Variants in TEDC2 observed in about 807,000 individuals in gnomAD.
TEDC2 encodes tubulin epsilon and delta complex 2.
Under a neutral mutation model 48.1 loss-of-function variants are expected in TEDC2, and 49 were observed. The ratio of observed to expected loss-of-function variants is 1.02; its 90% CI spans 0.81 to 1.29. The LOEUF is 1.29. TEDC2 is among the 50% of genes most tolerant of loss of function. The probability of loss-of-function intolerance (pLI) is 0.00; values close to 1 mark genes in which losing one functional copy is unlikely to be tolerated. For missense variants in TEDC2, 631 were observed against 571.4 expected (o/e 1.10, Z -1.06); for synonymous variants, 299 against 247.1 (o/e 1.21, Z -1.97).
At chr16:2,460,585 G>C (rs1426921274) in intron 2 of TEDC2, 38 bp from the exon 3 acceptor site, 8 of 1,610,964 alleles carry the variant, frequency 5.0e-6, no homozygotes, top group Non-Finnish European at 6.8e-6. Context: ...GCTGGGCCCT[G>C]CCTCCTGGCC....
At chr16:2,460,259 C>T in intron 1 of TEDC2, 24 bp from the exon 2 acceptor site, 1 of 1,515,110 alleles carries the variant, frequency 6.6e-7, no homozygotes, top group East Asian at 2.7e-5. Context: ...GGCCGAGGTG[C>T]TGAGCCGCCG....
chr16:2,463,211 C>T (rs1358504875), intron 8 of TEDC2, among the ~76,000 whole-genome samples: 1 of 152,130 alleles, frequency 6.6e-6, no homozygotes, highest in Non-Finnish European at 1.5e-5. Flanking sequence ...GTCCCAGCTA[C>T]TTGGGAGGCT....
Position 2,461,130 on chromosome 16 carries a change from C to G in TEDC2, c.511C>G (p.Arg171Gly). The change falls in exon 4 of 10, where the codon CGA (arginine) becomes GGA (glycine). Residue 171 changes from arginine to glycine, a missense_variant. Physicochemically the swap from Arg to Gly is moderately radical, Grantham distance 125. Transcript: ENST00000361837. ...GDGTRVGMGA[R>G]TPRPGAGLRD... ...TGGGACCCGTGTTGGGATGGGAGCC[C>G]GAACCCCCAGGCCTGGGGCGGGCCT... 6.4e-7 allele frequency: 1 copy of G among 1,563,306 alleles called. No homozygotes were observed. Among genetic ancestry groups the G allele is most frequent in the Non-Finnish European group, 8.7e-7 (1 of 1,152,710 alleles).
chr16:2,461,698 A>G, intron 4 of TEDC2, 49 bp from the exon 5 acceptor site: 1 of 1,608,438 alleles, frequency 6.2e-7, no homozygotes, highest in Non-Finnish European at 8.5e-7. Flanking sequence ...TGGGACTTGT[A>G]GACCCCAGAG....
intron 2 of TEDC2, 86 bp downstream of exon 2, chr16:2,460,467 C>G: frequency 6.7e-7 from 1 of 1,503,580 alleles, no homozygotes; most frequent in Non-Finnish European, 9.0e-7. Flanking sequence ...AGACCGGGCG[C>G]AGCCGCCCAC....
intron 8 of TEDC2, among the ~76,000 whole-genome samples, chr16:2,463,627 CAAAA>C (rs56380126): frequency 1.9e-5 from 2 of 103,234 alleles, no homozygotes; most frequent in Non-Finnish European, 2.2e-5. Context: ...ACTCCGTCTC[CAAAA>C]AAAAAAAAAA....
intron 8 of TEDC2, among the ~76,000 whole-genome samples, chr16:2,463,156 C>T (rs1021044112): frequency 1.3e-5 from 2 of 151,078 alleles, no homozygotes; most frequent in African/African-American, 4.9e-5. Flanking sequence ...CCTGTCTCTA[C>T]TAAAAATATA....
intron 9 of TEDC2, 114 bp downstream of exon 9, chr16:2,464,343 G>C (rs2065486904): frequency 7.1e-7 from 1 of 1,406,800 alleles, no homozygotes; most frequent in Non-Finnish European, 9.6e-7. Flanking sequence ...GGCAAGCCTG[G>C]GGTCTGTGTG....
At position 2,460,348 on chromosome 16, in the gene TEDC2, G is replaced by A. The variant is rs1294302469; in HGVS notation, c.92G>A (p.Ser31Asn). 9.1e-6 allele frequency: 14 copies of A among 1,544,220 alleles called. No homozygotes were observed. Among genetic ancestry groups the A allele is most frequent in the Non-Finnish European group, 9.6e-6 (11 of 1,146,208 alleles). ...CAQRQLQLEQ[S>N]LRVCRRLLHA... ...CAGCGACAATTGCAATTGGAGCAGA[G>A]CCTGCGCGTTTGCCGTCGGCTGCTG... The change falls in exon 2 of 10, where the codon AGC becomes AAC. Residue 31 changes from serine (S) to asparagine (N), a missense_variant. Transcript: ENST00000361837.
At position 2,464,542 on chromosome 16, in the gene TEDC2, C is replaced by G. The variant is rs560387871; in HGVS notation, c.1176C>G (p.Leu392=). The change falls in exon 10 of 10, where the codon CTC becomes CTG. Residue 392 remains leucine (L), a synonymous_variant. Transcript: ENST00000361837. ...HLEKVLMAEL[L]PLVSAAQPQG... ...CCCAGGTCCTGATGGCTGAACTCCTCCCCCTGGTAAGCGCTGCACAGCCGC... is the reference window on the plus strand; with the variant it reads ...CCCAGGTCCTGATGGCTGAACTCCTGCCCCTGGTAAGCGCTGCACAGCCGC... 107 of 1,582,408 alleles carry G rather than the reference C, an allele frequency of 6.8e-5. 2 individuals carry two copies. In the South Asian group the frequency reaches 1.1e-3, roughly 17 times the overall value.
At chr16:2,462,069 A>G (rs1596939477) in intron 5 of TEDC2, 80 bp from the exon 6 acceptor site, 6 of 1,493,702 alleles carry the variant, frequency 4.0e-6, no homozygotes. Context: ...GCCCTTGCCT[A>G]CCTCCCAAGG....
chr16:2,461,360 C>G, intron 4 of TEDC2, 136 bp downstream of exon 4: 7 of 1,168,520 alleles, frequency 6.0e-6, no homozygotes, highest in Non-Finnish European at 6.9e-6. Context: ...GGCTCATGCT[C>G]AGAAGCTGGC....
intron 8 of TEDC2, among the ~76,000 whole-genome samples, chr16:2,463,582 G>A (rs1348345081): frequency 2.0e-5 from 3 of 150,796 alleles, no homozygotes; most frequent in Non-Finnish European, 4.4e-5. Flanking sequence ...AGCTGAGATT[G>A]CACCACTGCA....
At chr16:2,462,333 G>T in intron 6 of TEDC2, 82 bp from the exon 7 acceptor site, 1 of 1,601,834 alleles carries the variant, frequency 6.2e-7, no homozygotes, top group South Asian at 1.1e-5. Context: ...GCGTGGGATG[G>T]CCAGGGCCAC....
intron 8 of TEDC2, among the ~76,000 whole-genome samples, chr16:2,463,339 G>A (rs987016217): frequency 2.2e-4 from 32 of 142,554 alleles, no homozygotes; most frequent in African/African-American, 6.9e-4. Flanking sequence ...AAAAAGTAGC[G>A]TGTGAGGCCG....
rs1388006360 is a variant in TEDC2 at position 2,464,571 on chromosome 16, G to A, written c.1205G>A (p.Gly402Glu). Residue 402 changes from glycine (G) to glutamate (E), a missense_variant, in exon 10 of 10, where the codon GGG becomes GAG. Physicochemically the swap from Gly to Glu is moderately conservative, Grantham distance 98. Coordinates refer to ENST00000361837, the MANE Select transcript of TEDC2 (RefSeq NM_025108.3). Reference protein sequence around the residue: ...LPLVSAAQPQGPPWLALCRAV... With the variant: ...LPLVSAAQPQEPPWLALCRAV... ...CTGGTAAGCGCTGCACAGCCGCAGG[G>A]GCCGCCCTGGCTGGCCCTGTGCCGG... 2 of 1,606,602 alleles carry A rather than the reference G, an allele frequency of 1.2e-6. No homozygotes were observed. The highest frequency in any genetic ancestry group is 1.3e-5 in the African/African-American group (1 of 74,904).
At position 2,460,836 on chromosome 16, in the gene TEDC2, G is replaced by A. The variant is rs747954383; in HGVS notation, c.217G>A (p.Asp73Asn). The change falls in exon 4 of 10, where the codon GAC becomes AAC. Residue 73 changes from aspartate to asparagine, a missense_variant. Asp to Asn is a conservative substitution (Grantham distance 23, BLOSUM62 1). Coordinates refer to ENST00000361837, the MANE Select transcript of TEDC2 (RefSeq NM_025108.3). Reference protein sequence around the residue: ...PLPACTPSPQDLKELEFLTQA... With the variant: ...PLPACTPSPQNLKELEFLTQA... The stretch of plus-strand genomic sequence containing the variant: ...CACAGCATGCACACCCAGTCCACAA[G>A]ACCTCAAAGAGTTGGAGTTTCTGAC... 6 of 1,612,784 alleles carry A rather than the reference G, an allele frequency of 3.7e-6. No individual in the cohort carries two copies. Among genetic ancestry groups the A allele is most frequent in the Non-Finnish European group, 4.2e-6 (5 of 1,179,748 alleles).
intron 2 of TEDC2, 23 bp from the exon 3 acceptor site, chr16:2,460,600 G>C: frequency 6.2e-7 from 1 of 1,612,198 alleles, no homozygotes; most frequent in Non-Finnish European, 8.5e-7. Flanking sequence ...CTGGCCGTGC[G>C]ACGGCTGCCC....
Position 2,460,115 on chromosome 16 carries a change from G to T in TEDC2, c.-30G>T. On this transcript the variant is annotated 5_prime_UTR_variant, in exon 1 of 10. Coordinates refer to ENST00000361837, the MANE Select transcript of TEDC2 (RefSeq NM_025108.3). ...GGAAGGGGCGTGGCTCTTCAGAGGC[G>T]GCAAATTGCAAGGAGACGCCGCCGC... 1.5e-6 allele frequency: 2 copies of T among 1,347,966 alleles called. No individual in the cohort carries two copies. Among genetic ancestry groups the T allele is most frequent in the African/African-American group, 1.5e-5 (1 of 65,114 alleles). The allele number at this position is 1,347,966 out of a possible 1,614,324, so 83.5% of individuals were successfully genotyped here. A position where few individuals can be genotyped will look rare whatever the true frequency, so the allele number is the denominator to read the frequency against.
Sources: allele counts gnomAD v4.1 joint callset (sites outside exome capture counted in the v4.1 genomes callset), GRCh38; gene constraint gnomAD v4.1.1; transcripts MANE v1.5; gene names NCBI Gene and HGNC (gene_info 2026-07-23, HGNC 2026-07-21).